Variants in AP4E1 observed in about 807,000 individuals in gnomAD.
AP4E1 encodes the protein adaptor related protein complex 4 subunit epsilon 1.
In AP4E1, 56 loss-of-function variants were observed where a neutral mutation model predicts 128.2. The ratio of observed to expected loss-of-function variants is 0.44; its 90% CI spans 0.35 to 0.55. The LOEUF is 0.55. AP4E1 is among the 20% of genes least tolerant of loss of function. The probability of loss-of-function intolerance (pLI) is 0.00; values close to 1 mark genes in which losing one functional copy is unlikely to be tolerated. For synonymous variants in AP4E1, 484 were observed against 473.1 expected (o/e 1.02, Z -0.30); for missense variants, 1,324 against 1,307.7 (o/e 1.01, Z -0.19).
chr15:50,968,648 A>C (rs1227908592), intron 15 of AP4E1, among the ~76,000 whole-genome samples: 4 of 152,114 alleles, frequency 2.6e-5, no homozygotes, highest in Non-Finnish European at 5.9e-5. Context: ...ATTTTTTGAG[A>C]CAAGAGTCTT....
intron 14 of AP4E1, 123 bp downstream of exon 14, chr15:50,958,917 G>A: frequency 1.8e-6 from 2 of 1,082,210 alleles, no homozygotes; most frequent in Non-Finnish European, 2.8e-6. Context: ...GGTGAATGTT[G>A]GAGTTCCTTT....
chr15:50,911,018 A>C (rs2063561168), intron 1 of AP4E1, among the ~76,000 whole-genome samples: 1 of 152,198 alleles, frequency 6.6e-6, no homozygotes, highest in African/African-American at 2.4e-5. Flanking sequence ...GCTAATTTTT[A>C]AGGGATCCTC....
At chr15:50,978,252 A>C (rs1486859862) in intron 15 of AP4E1, among the ~76,000 whole-genome samples, 1 of 152,198 alleles carries the variant, frequency 6.6e-6, no homozygotes, top group Non-Finnish European at 1.5e-5. Context: ...TATTAATAAA[A>C]TGTGTTATAA....
At chr15:50,910,181 T>C (rs1424235047) in intron 1 of AP4E1, among the ~76,000 whole-genome samples, 1 of 152,132 alleles carries the variant, frequency 6.6e-6, no homozygotes, top group African/African-American at 2.4e-5. Flanking sequence ...GAGACAGGAT[T>C]TCACCATGTT....
intron 15 of AP4E1, among the ~76,000 whole-genome samples, chr15:50,982,715 T>G (rs191277050): frequency 1.4e-4 from 21 of 152,332 alleles, no homozygotes; most frequent in Non-Finnish European, 1.5e-5. Flanking sequence ...TTTACATTGA[T>G]TCTTCTTCTG....
intron 4 of AP4E1, among the ~76,000 whole-genome samples, chr15:50,924,395 G>A (rs2063744409): frequency 6.6e-6 from 1 of 151,840 alleles, no homozygotes; most frequent in Admixed American, 6.6e-5. Flanking sequence ...AATTTAAAAA[G>A]TCATTTAAAA....
In AP4E1 at chr15:50,997,486, A is replaced by C. The variant is rs2064892613; in HGVS notation, c.2507A>C (p.His836Pro). 1 of 1,613,970 alleles carries C rather than the reference A, an allele frequency of 6.2e-7. No homozygotes were observed. The highest frequency in any genetic ancestry group is 8.5e-7 in the Non-Finnish European group (1 of 1,179,998). The change falls in exon 18 of 21, where the codon CAC becomes CCC. Residue 836 changes from histidine (H) to proline (P), a missense_variant. Transcript: ENST00000261842. ...YEDDYYSNTL[H>P]DTGDKELKKF... ...GATGATTATTATTCGAATACTTTGC[A>C]CGATACAGGAGACAAGGAATTAAAG...
At chr15:50,968,455 TAAAGA>T in intron 15 of AP4E1, 78 bp downstream of exon 15, 16 of 1,023,660 alleles carry the variant, frequency 1.6e-5, no homozygotes, top group East Asian at 2.7e-5. Context: ...AGTAAATAAA[TAAAGA>T]TATTTACTTT....
chr15:50,947,145 G>A (rs549636545), intron 10 of AP4E1, among the ~76,000 whole-genome samples: 1 of 152,254 alleles, frequency 6.6e-6, no homozygotes, highest in Non-Finnish European at 1.5e-5. Context: ...GCCAGGCACA[G>A]TGGCTCATGC....
intron 15 of AP4E1, among the ~76,000 whole-genome samples, chr15:50,972,490 G>A (rs1394773892): frequency 6.6e-6 from 1 of 152,166 alleles, no homozygotes; most frequent in Non-Finnish European, 1.5e-5. Context: ...GGGATTACAA[G>A]TGTGAGCCAC....
rs1045970697 is a variant in AP4E1, at chr15:50,991,857, C to T, written c.2091-1513C>T. Among the ~76,000 whole-genome samples the T allele has an allele frequency of 4.7e-4, 71 of 151,530 alleles. 1 individual carries two copies. The highest frequency in any genetic ancestry group is 8.2e-4 in the Non-Finnish European group (56 of 67,940). On this transcript the variant is annotated intron_variant, in intron 16 of 20. Coordinates refer to ENST00000261842, the MANE Select transcript of AP4E1 (RefSeq NM_007347.5). ...ATATTTCTGAGTCTTCCTTTTTGTTCATTTCATGATCAACTCATCTTGTAG... is the reference window on the plus strand; with the variant it reads ...ATATTTCTGAGTCTTCCTTTTTGTTTATTTCATGATCAACTCATCTTGTAG...
chr15:50,945,281 C>T (rs75091601), intron 10 of AP4E1: 10 of 782,188 alleles, frequency 1.3e-5, no homozygotes, highest in Non-Finnish European at 1.9e-5. Flanking sequence ...TTAACCCAAT[C>T]GAGACATTTC....
At chr15:50,964,806 T>C (rs1194248252) in intron 14 of AP4E1, among the ~76,000 whole-genome samples, 1 of 152,120 alleles carries the variant, frequency 6.6e-6, no homozygotes, top group African/African-American at 2.4e-5. Context: ...AAATCTCAAG[T>C]TGAATTGTAA....
At chr15:50,912,592 G>A (rs1378671588) in intron 2 of AP4E1, among the ~76,000 whole-genome samples, 2 of 151,768 alleles carry the variant, frequency 1.3e-5, no homozygotes, top group Non-Finnish European at 2.9e-5. Flanking sequence ...TTAATGAATG[G>A]TCATTCATTA....
chr15:50,941,322 A>G (rs978651856), intron 8 of AP4E1, 120 bp from the exon 9 acceptor site: 6 of 1,158,550 alleles, frequency 5.2e-6, no homozygotes, highest in South Asian at 1.3e-5. Flanking sequence ...TGAAAAGTCC[A>G]TAAATAAGAT....
chr15:50,926,427 C>T (rs374940024), intron 5 of AP4E1, among the ~76,000 whole-genome samples: 2 of 151,572 alleles, frequency 1.3e-5, no homozygotes, highest in Non-Finnish European at 2.9e-5. Flanking sequence ...TGAGCCACTG[C>T]GCCTGGCCCA....
In AP4E1 at chr15:50,941,509, T is replaced by A. The variant is rs2063987426; in HGVS notation, c.1011T>A (p.Ala337=). ...IYPKSELLEK[A]AKCIGKFVLS... ...CTAAATCGGAATTACTTGAGAAGGCTGCCAAGTGCATTGGAAAATTTGTTC... is the reference window on the plus strand; with the variant it reads ...CTAAATCGGAATTACTTGAGAAGGCAGCCAAGTGCATTGGAAAATTTGTTC... Residue 337 remains alanine, a synonymous_variant, in exon 9 of 21, where the codon GCT becomes GCA. Coordinates refer to ENST00000261842, the MANE Select transcript of AP4E1 (RefSeq NM_007347.5). 7 of 1,613,330 alleles carry A rather than the reference T, an allele frequency of 4.3e-6. No homozygotes were observed. Among genetic ancestry groups the A allele is most frequent in the Non-Finnish European group, 5.9e-6 (7 of 1,179,672 alleles).
Position 50,950,172 on chromosome 15 carries a change from G to A in AP4E1, c.1548+3G>A, listed in dbSNP as rs2064129464. The A allele has an allele frequency of 6.4e-7, 1 of 1,556,522 alleles. No individual in the cohort carries two copies. The highest frequency in any genetic ancestry group is 1.4e-5 in the African/African-American group (1 of 73,706). On this transcript the variant is annotated splice_donor_region_variant and intron_variant, in intron 13 of 20. Transcript: ENST00000261842. ...GATTTCTTCAAGTTATGAGTTGGGT[G>A]AGCAAAGTACCTTAAATCATAAATT...
intron 15 of AP4E1, among the ~76,000 whole-genome samples, chr15:50,980,812 T>G (rs1444226378): frequency 6.6e-6 from 1 of 152,116 alleles, no homozygotes; most frequent in African/African-American, 2.4e-5. Flanking sequence ...AGGTGTGGCT[T>G]GACCTGCTAC....
Sources: allele counts gnomAD v4.1 joint callset (sites outside exome capture counted in the v4.1 genomes callset), GRCh38; gene constraint gnomAD v4.1.1; transcripts MANE v1.5; gene names NCBI Gene and HGNC (gene_info 2026-07-23, HGNC 2026-07-21).